Variants in CLEC12A observed in about 807,000 individuals in gnomAD.
CLEC12A encodes the protein C-type lectin domain family 12 member A, also known as C-type lectin protein CLL-1.
CLEC12A carries 22 observed loss-of-function variants against 26.5 expected under a neutral mutation model. The ratio of observed to expected loss-of-function variants is 0.83; its 90% CI spans 0.59 to 1.19. The LOEUF (loss-of-function observed/expected upper bound fraction) is 1.19, where lower values mean the gene tolerates loss of function less well. CLEC12A is among the 50% of genes most tolerant of loss of function. CLEC12A has a pLI of 0.00. For missense variants in CLEC12A, 353 were observed against 315.6 expected (o/e 1.12, Z -0.90); for synonymous variants, 119 against 101.9 (o/e 1.17, Z -1.01).
At chr12:9,983,106 C>T (rs1864627780) in intron 5 of CLEC12A, among the ~76,000 whole-genome samples, 1 of 152,078 alleles carries the variant, frequency 6.6e-6, no homozygotes, top group South Asian at 2.1e-4. Context: ...AATAGTTCTA[C>T]AACAAACATT....
chr12:9,980,455 A>C, intron 3 of CLEC12A, 127 bp from the exon 4 acceptor site: 1 of 1,016,622 alleles, frequency 9.8e-7, no homozygotes, highest in African/African-American at 1.7e-5. Flanking sequence ...AAAAGGGGGA[A>C]AGAGAGAAAG....
At chr12:9,978,292 T>C (rs1031794930) in intron 1 of CLEC12A, among the ~76,000 whole-genome samples, 1 of 152,004 alleles carries the variant, frequency 6.6e-6, no homozygotes, top group Non-Finnish European at 1.5e-5. Flanking sequence ...TTTTTTTAAA[T>C]AGAGAAATGA....
In CLEC12A at chr12:9,983,439, G is replaced by T. The variant is rs1319962547; in HGVS notation, c.641+1310G>T. ...TTAAGTGGATTTATACGTTGTATTT[G>T]TTCTGCTTATAATGGGAAAAAAAGT... On this transcript the variant is annotated intron_variant, in intron 5 of 5. Transcript: ENST00000304361. The T allele has an allele frequency of 4.5e-6, 3 of 671,644 alleles. No homozygotes were observed. The African/African-American group carries it at 5.4e-5, about 12-fold the overall frequency. The allele number at this position is 671,644 out of a possible 1,614,324, so 41.6% of individuals were successfully genotyped here. A position where few individuals can be genotyped will look rare whatever the true frequency, so the allele number is the denominator to read the frequency against.
chr12:9,993,120 G>A (rs759681144), intron 4 of CLEC12A: 1 of 1,599,774 alleles, frequency 6.3e-7, no homozygotes, highest in Admixed American at 1.7e-5. Flanking sequence ...CCTTATCTGT[G>A]TTATCCTGTC....
At chr12:9,992,060 C>T (rs897002281) in intron 4 of CLEC12A, 2 of 151,984 alleles carry the variant, frequency 1.3e-5, no homozygotes, top group East Asian at 1.9e-4. Flanking sequence ...GAATCATGTT[C>T]GTAAATGGTA....
At chr12:9,953,877 C>A (rs1349555194) in intron 1 of CLEC12A, among the ~76,000 whole-genome samples, 1 of 152,134 alleles carries the variant, frequency 6.6e-6, no homozygotes, top group Non-Finnish European at 1.5e-5. Flanking sequence ...AAAGATTCTT[C>A]TGCCTTGGGA....
intron 1 of CLEC12A, among the ~76,000 whole-genome samples, chr12:9,974,756 AAAT>A (rs1468861044): frequency 1.3e-5 from 2 of 152,160 alleles, no homozygotes; most frequent in South Asian, 2.1e-4. Flanking sequence ...AAAAGGTGTT[AAAT>A]AATTTTCCCG....
intron 1 of CLEC12A, among the ~76,000 whole-genome samples, chr12:9,959,880 G>A (rs1398972551): frequency 6.6e-6 from 1 of 152,154 alleles, no homozygotes; most frequent in Non-Finnish European, 1.5e-5. Flanking sequence ...ACTCTCTGAT[G>A]CTTGAGGATT....
intron 4 of CLEC12A, among the ~76,000 whole-genome samples, chr12:9,981,554 A>G (rs1864558953): frequency 6.6e-6 from 1 of 152,196 alleles, no homozygotes. Context: ...AAAGGCTAGA[A>G]TAAGAAAAAA....
chr12:9,989,172 C>T (rs929991047), downstream of CLEC12A, among the ~76,000 whole-genome samples: 3 of 138,698 alleles, frequency 2.2e-5, no homozygotes, highest in East Asian at 2.1e-4. Context: ...ATGAGAACAC[C>T]TGGACACAGG....
intron 1 of CLEC12A, among the ~76,000 whole-genome samples, chr12:9,960,709 T>A (rs774675437): frequency 6.6e-6 from 1 of 152,222 alleles, no homozygotes; most frequent in African/African-American, 2.4e-5. Context: ...TTGTTTGTTT[T>A]GCTTTGGAAC....
intron 1 of CLEC12A, among the ~76,000 whole-genome samples, chr12:9,961,807 A>T (rs1185158953): frequency 1.3e-5 from 2 of 152,226 alleles, no homozygotes; most frequent in Non-Finnish European, 2.9e-5. Context: ...TGGCCTACAT[A>T]TGGTTCAGAA....
chr12:9,990,036 G>GA (rs1004422945), downstream of CLEC12A, among the ~76,000 whole-genome samples: 468 of 146,822 alleles, frequency 3.2e-3, 2 homozygotes, highest in Non-Finnish European at 5.0e-3. Context: ...ACACTGCTCA[G>GA]AAAAAAAAAA....
intron 1 of CLEC12A, among the ~76,000 whole-genome samples, chr12:9,965,967 G>A (rs571976625): frequency 4.6e-5 from 7 of 152,086 alleles, no homozygotes; most frequent in Non-Finnish European, 8.8e-5. Context: ...TGACCTGGGG[G>A]AAAAGGTGGC....
intron 1 of CLEC12A, chr12:9,953,010 TCCGCCCGGCAGCCACC>T (rs1722108357): frequency 8.0e-6 from 1 of 124,272 alleles, no homozygotes; most frequent in Admixed American, 7.7e-5. Context: ...GAGGAGCCTC[TCCGCCCGGCAGCCACC>T]CCATCTGGGA....
At chr12:9,961,505 T>C (rs976693760) in intron 1 of CLEC12A, among the ~76,000 whole-genome samples, 11 of 152,286 alleles carry the variant, frequency 7.2e-5, no homozygotes, top group African/African-American at 2.6e-4. Flanking sequence ...AGTCATAGCA[T>C]TGCAACTTGT....
the CLEC12A span, among the ~76,000 whole-genome samples, chr12:10,004,087 GGGA>G: frequency 6.6e-6 from 1 of 152,166 alleles, no homozygotes; most frequent in Non-Finnish European, 1.5e-5. Context: ...AATCCCTTGT[GGGA>G]GGGAGAGCAT....
chr12:9,991,097 T>A (rs932417207), intron 4 of CLEC12A: 4 of 152,208 alleles, frequency 2.6e-5, no homozygotes, highest in African/African-American at 9.6e-5. Context: ...TTTATTGCAA[T>A]AATTGCTTTA....
chr12:9,966,703 T>A (rs1016264882), upstream of CLEC12A, among the ~76,000 whole-genome samples: 4 of 151,674 alleles, frequency 2.6e-5, no homozygotes, highest in Non-Finnish European at 5.9e-5. Context: ...TTGTACACTT[T>A]GAAGGCGAGG....
Sources: gnomAD v4.1 joint callset for allele counts (sites outside exome capture counted in the v4.1 genomes callset) on GRCh38, gnomAD v4.1.1 for gene constraint, MANE v1.5 for transcripts, NCBI Gene and HGNC (gene_info 2026-07-23, HGNC 2026-07-21) for gene names.